Variants in PPP2R2B observed in about 807,000 individuals in gnomAD.
PPP2R2B encodes serine/threonine-protein phosphatase 2A 55 kDa regulatory subunit B beta isoform.
A neutral mutation model predicts 46.0 loss-of-function variants in PPP2R2B; 5 were observed. The ratio of observed to expected loss-of-function variants is 0.11; its 90% CI spans 0.06 to 0.23. PPP2R2B has a LOEUF of 0.23. Among genes scored for constraint, PPP2R2B ranks in the 10% least tolerant of loss-of-function variants. PPP2R2B has a pLI of 1.00. For missense variants in PPP2R2B, 367 were observed against 575.0 expected, an observed-to-expected ratio of 0.64 and a Z score of 3.70; for synonymous variants, 215 against 206.7, an observed-to-expected ratio of 1.04 and a Z score of -0.34.
intron 2 of PPP2R2B, among the ~76,000 whole-genome samples, chr5:146,797,017 C>A (rs763928726): frequency 3.3e-5 from 5 of 152,190 alleles, no homozygotes; most frequent in Non-Finnish European, 5.9e-5. Context: ...CTAAACTCTT[C>A]CAAAAGTTTT....
chr5:146,595,825 C>T lies in PPP2R2B; in HGVS notation c.961-2763G>A, dbSNP rs189270178. Among the ~76,000 whole-genome samples, 163 of 152,256 alleles carry T rather than the reference C, an allele frequency of 1.1e-3. 2 individuals are homozygous for T. The Middle Eastern group carries it at 0.02, about 19-fold the overall frequency. On this transcript the variant is annotated intron_variant, in intron 8 of 9. Transcript: ENST00000394411. Reference sequence around the variant, plus strand: ...CTATTTGATGTTCTTTCTTCATGTTCCTAGTATGACTTTTCTATGATCCTA... The same window carrying T: ...CTATTTGATGTTCTTTCTTCATGTTTCTAGTATGACTTTTCTATGATCCTA...
intron 1 of PPP2R2B, among the ~76,000 whole-genome samples, chr5:146,906,119 G>A (rs188297684): frequency 6.6e-6 from 1 of 152,148 alleles, no homozygotes; most frequent in African/African-American, 2.4e-5. Flanking sequence ...TATATTGTCT[G>A]AGTTGAGATA....
At chr5:146,594,400 T>C (rs988297220) in intron 8 of PPP2R2B, among the ~76,000 whole-genome samples, 1 of 152,224 alleles carries the variant, frequency 6.6e-6, no homozygotes, top group African/African-American at 2.4e-5. Context: ...AACTCAGCTG[T>C]AGATGCCAAA....
At chr5:146,928,082 A>C (rs1484737892) in intron 1 of PPP2R2B, among the ~76,000 whole-genome samples, 1 of 152,100 alleles carries the variant, frequency 6.6e-6, no homozygotes, top group African/African-American at 2.4e-5. Context: ...TCATCGCACT[A>C]TCTGCTGTGC....
intron 2 of PPP2R2B, among the ~76,000 whole-genome samples, chr5:147,070,836 T>G (rs1757569377): frequency 6.6e-6 from 1 of 152,224 alleles, no homozygotes; most frequent in Non-Finnish European, 1.5e-5. Flanking sequence ...CAAACTCAGA[T>G]GCAAGCCCAT....
At chr5:146,682,416 T>C (rs1298108302) in intron 5 of PPP2R2B, among the ~76,000 whole-genome samples, 1 of 152,240 alleles carries the variant, frequency 6.6e-6, no homozygotes, top group Non-Finnish European at 1.5e-5. Context: ...GATATTATGC[T>C]AAACACTTCA....
chr5:146,780,187 CAAT>C (rs771937637), intron 2 of PPP2R2B, among the ~76,000 whole-genome samples: 2 of 152,250 alleles, frequency 1.3e-5, no homozygotes, highest in Admixed American at 6.5e-5. Context: ...CAAAAAGCCT[CAAT>C]TATCTCTGGG....
chr5:146,983,176 A>ATTTTTTTTTTTTTTT (rs745692719), intron 1 of PPP2R2B, among the ~76,000 whole-genome samples: 1 of 80,856 alleles, frequency 1.2e-5, no homozygotes, highest in Non-Finnish European at 2.2e-5. Context: ...TTTCCAGAGC[A>ATTTTTTTTTTTTTTT]TTTTTTTTTT....
intron 2 of PPP2R2B, among the ~76,000 whole-genome samples, chr5:146,809,504 C>A (rs994883218): frequency 2.0e-5 from 3 of 151,870 alleles, no homozygotes; most frequent in African/African-American, 7.3e-5. Context: ...AAATAAGGCA[C>A]TATGGTAGCA....
intron 8 of PPP2R2B, among the ~76,000 whole-genome samples, chr5:146,595,292 G>A (rs895281966): frequency 2.0e-5 from 3 of 152,150 alleles, no homozygotes; most frequent in African/African-American, 7.2e-5. Context: ...CCTTCACTAG[G>A]GGGCACAGCA....
chr5:147,011,838 T>C (rs1379067415), intron 1 of PPP2R2B, among the ~76,000 whole-genome samples: 1 of 129,636 alleles, frequency 7.7e-6, no homozygotes, highest in Non-Finnish European at 1.7e-5. Flanking sequence ...GAGATAATCA[T>C]GTGGTTTTTG....
chr5:147,031,675 A>C (rs1238604052), intron 1 of PPP2R2B, among the ~76,000 whole-genome samples: 1 of 152,010 alleles, frequency 6.6e-6, no homozygotes, highest in Non-Finnish European at 1.5e-5. Context: ...CTTTTTTCTT[A>C]TTTTCTATCC....
intron 8 of PPP2R2B, among the ~76,000 whole-genome samples, chr5:146,595,379 C>T (rs1333871027): frequency 2.0e-5 from 3 of 152,180 alleles, no homozygotes; most frequent in Admixed American, 2.0e-4. Flanking sequence ...TGAACCTTTC[C>T]TCATCTGTCA....
At chr5:146,759,785 G>A (rs1754049649) in intron 2 of PPP2R2B, among the ~76,000 whole-genome samples, 1 of 151,512 alleles carries the variant, frequency 6.6e-6, no homozygotes, top group Admixed American at 6.6e-5. Flanking sequence ...GTGACGGAGG[G>A]TATAAGAACA....
chr5:146,787,125 C>T (rs569814362), intron 2 of PPP2R2B, among the ~76,000 whole-genome samples: 1 of 152,294 alleles, frequency 6.6e-6, no homozygotes, highest in Non-Finnish European at 1.5e-5. Flanking sequence ...AAAAATAGTG[C>T]TTACAACTGC....
intron 7 of PPP2R2B, chr5:146,607,008 T>C (rs1772350678): frequency 6.6e-6 from 1 of 152,208 alleles, no homozygotes; most frequent in Admixed American, 6.5e-5. Flanking sequence ...GGAGACATGG[T>C]TGACAATTTC....
intron 1 of PPP2R2B, among the ~76,000 whole-genome samples, chr5:146,948,406 A>T (rs898356183): frequency 6.6e-6 from 1 of 152,110 alleles, no homozygotes; most frequent in Non-Finnish European, 1.5e-5. Flanking sequence ...GACTTAATGC[A>T]TGTGAAGTCC....
intron 1 of PPP2R2B, among the ~76,000 whole-genome samples, chr5:146,935,159 G>T (rs1764099315): frequency 6.6e-6 from 1 of 152,182 alleles, no homozygotes; most frequent in African/African-American, 2.4e-5. Context: ...CCTGCAAGGT[G>T]ATGATATTAC....
intron 2 of PPP2R2B, chr5:146,856,524 T>A: frequency 6.2e-7 from 1 of 1,610,868 alleles, no homozygotes; most frequent in Non-Finnish European, 8.5e-7. Context: ...TGTTTTCATC[T>A]GGATAATTCA....
Sources: gnomAD v4.1 joint callset for allele counts (sites outside exome capture counted in the v4.1 genomes callset) on GRCh38, gnomAD v4.1.1 for gene constraint, MANE v1.5 for transcripts, NCBI Gene and HGNC (gene_info 2026-07-23, HGNC 2026-07-21) for gene names.